RSAD2: variants seen among roughly 807,000 people sequenced by gnomAD.
RSAD2 encodes the protein S-adenosylmethionine-dependent nucleotide dehydratase RSAD2.
Under a neutral mutation model 37.7 loss-of-function variants are expected in RSAD2, and 38 were observed. The observed-to-expected ratio is 1.01, with a 90% confidence interval of 0.78 to 1.32. RSAD2 has a LOEUF of 1.32. Ranked by LOEUF, RSAD2 falls within the 40% of genes most tolerant of loss-of-function variation. The pLI, the probability that RSAD2 is intolerant of heterozygous loss-of-function variation, is 0.00. For missense variants in RSAD2, 428 were observed against 437.5 expected (o/e 0.98, Z 0.19); for synonymous variants, 163 against 157.4 (o/e 1.04, Z -0.27).
intron 1 of RSAD2, chr2:6,866,406 T>C (rs968069396): frequency 2.0e-6 from 2 of 982,974 alleles, no homozygotes; most frequent in Non-Finnish European, 2.4e-6. Flanking sequence ...GTGCACACAC[T>C]CACCTTTGCA....
intron 2 of RSAD2, among the ~76,000 whole-genome samples, chr2:6,886,182 G>A (rs1217594546): frequency 6.6e-6 from 1 of 152,232 alleles, no homozygotes; most frequent in Non-Finnish European, 1.5e-5. Context: ...GTACTTAAGA[G>A]ATAAGTGGAT....
At chr2:6,885,100 G>A (rs1019529570) in intron 2 of RSAD2, among the ~76,000 whole-genome samples, 5 of 152,112 alleles carry the variant, frequency 3.3e-5, no homozygotes, top group South Asian at 2.1e-4. Context: ...CTATGCTCAC[G>A]TCTAGGGTTT....
intron 5 of RSAD2, among the ~76,000 whole-genome samples, chr2:6,895,527 T>C (rs894403047): frequency 6.6e-6 from 1 of 152,244 alleles, no homozygotes; most frequent in African/African-American, 2.4e-5. Context: ...CATCTGCCCA[T>C]GCGGGGCGCA....
At position 6,896,104 on chromosome 2, in the gene RSAD2, C is replaced by A; in HGVS notation, c.*162C>A. Reference sequence around the variant, plus strand: ...CTGTGGTCACTGAACACACGAATAACTTGGATAGCAAATCCTGAGACAATG... The same window carrying A: ...CTGTGGTCACTGAACACACGAATAAATTGGATAGCAAATCCTGAGACAATG... On this transcript the variant is annotated 3_prime_UTR_variant, in exon 6 of 6. Transcript: ENST00000382040. 1 of 559,196 alleles carries A rather than the reference C, an allele frequency of 1.8e-6. No individual in the cohort carries two copies. Among genetic ancestry groups the A allele is most frequent in the East Asian group, 2.8e-5 (1 of 35,096 alleles). The allele number at this position is 559,196 out of a possible 1,614,324, so 34.6% of individuals were successfully genotyped here. A position where few individuals can be genotyped will look rare whatever the true frequency, so the allele number is the denominator to read the frequency against.
At chr2:6,877,747 T>C (rs1190801568), upstream of RSAD2, 1 of 1,389,894 alleles carries the variant, frequency 7.2e-7, no homozygotes, top group East Asian at 2.4e-5. Context: ...TCCATCCCTA[T>C]ATAAAGAGAG....
intron 4 of RSAD2, among the ~76,000 whole-genome samples, chr2:6,891,703 C>T (rs1481111541): frequency 1.3e-5 from 2 of 152,134 alleles, no homozygotes; most frequent in Non-Finnish European, 2.9e-5. Flanking sequence ...GGAGGCGGAG[C>T]TTGCAATGAG....
chr2:6,884,938 A>T (rs1485214457), intron 2 of RSAD2, among the ~76,000 whole-genome samples: 1 of 152,230 alleles, frequency 6.6e-6, no homozygotes, highest in Admixed American at 6.5e-5. Context: ...ATAGATGCCT[A>T]TCTGGCCCAT....
In RSAD2 at chr2:6,878,972, T is replaced by C. The variant is rs1031855610; in HGVS notation, c.346+826T>C. The stretch of plus-strand genomic sequence containing the variant: ...CACAAAGCAATCACAGCCAGGTAAA[T>C]AGCCTGCAGATTCAGAGAGAAAGCA... On this transcript the variant is annotated intron_variant, in intron 1 of 5. Transcript: ENST00000382040. 8.9e-6 allele frequency: 5 copies of C among 558,664 alleles called. No homozygotes were observed. The African/African-American group carries it at 9.6e-5, about 11-fold the overall frequency. The allele number at this position is 558,664 out of a possible 1,614,324, so 34.6% of individuals were successfully genotyped here. A position where few individuals can be genotyped will look rare whatever the true frequency, so the allele number is the denominator to read the frequency against.
At chr2:6,878,917 C>A in intron 1 of RSAD2, 1 of 1,004,014 alleles carries the variant, frequency 1.0e-6, no homozygotes, top group Non-Finnish European at 1.4e-6. Flanking sequence ...CCAGATTACA[C>A]ATATTCTGGA....
rs1272679421 is a variant in RSAD2, at chr2:6,896,312, A to G, written c.*370A>G. The G allele has an allele frequency of 6.0e-6, 1 of 165,336 alleles. No homozygotes were observed. The highest frequency in any genetic ancestry group is 1.3e-5 in the Non-Finnish European group (1 of 76,920). 10.2% of individuals were successfully genotyped at this position (165,336 alleles called of 1,614,324 possible). ...TAGCTCAATGATGCGTTTGTAAGAAATAAGCTCTAGTGATATCTGTGGGGG... is the reference window on the plus strand; with the variant it reads ...TAGCTCAATGATGCGTTTGTAAGAAGTAAGCTCTAGTGATATCTGTGGGGG... On this transcript the variant is annotated 3_prime_UTR_variant, in exon 6 of 6. Transcript: ENST00000382040.
intron 4 of RSAD2, 24 bp downstream of exon 4, chr2:6,890,349 T>A: frequency 6.2e-7 from 1 of 1,611,892 alleles, no homozygotes; most frequent in Non-Finnish European, 8.5e-7. Flanking sequence ...AAAGTTGTTT[T>A]CTTTGTCATC....
In RSAD2 at chr2:6,896,033, C is replaced by T; in HGVS notation, c.*91C>T. 7.6e-7 allele frequency: 1 copy of T among 1,316,168 alleles called. No individual in the cohort carries two copies. Among genetic ancestry groups the T allele is most frequent in the South Asian group, 1.5e-5 (1 of 64,856 alleles). The allele number at this position is 1,316,168 out of a possible 1,614,324, so 81.5% of individuals were successfully genotyped here. On this transcript the variant is annotated 3_prime_UTR_variant, in exon 6 of 6. Transcript: ENST00000382040. Reference sequence around the variant, plus strand: ...GCAATACTATCCCGTTGGTATTTCCCAGTGGCTGAAAACCTGATTTTCTGC... The same window carrying T: ...GCAATACTATCCCGTTGGTATTTCCTAGTGGCTGAAAACCTGATTTTCTGC...
chr2:6,894,251 C>G (rs1663692866), intron 5 of RSAD2, among the ~76,000 whole-genome samples: 1 of 151,498 alleles, frequency 6.6e-6, no homozygotes, highest in Admixed American at 6.6e-5. Context: ...GGAAACCTAC[C>G]CTTCTCAAAA....
At chr2:6,888,524 C>A (rs1216129365) in intron 3 of RSAD2, among the ~76,000 whole-genome samples, 1 of 152,192 alleles carries the variant, frequency 6.6e-6, no homozygotes, top group Non-Finnish European at 1.5e-5. Context: ...CCTCTCTCGT[C>A]TTCCCTATGT....
At chr2:6,868,324 G>T (rs1663143451) in intron 1 of RSAD2, among the ~76,000 whole-genome samples, 1 of 152,096 alleles carries the variant, frequency 6.6e-6, no homozygotes, top group South Asian at 2.1e-4. Context: ...TATGTTTCTA[G>T]GTAGTTTAAT....
rs2103251255 is a variant in RSAD2, at chr2:6,896,508, C to T, written c.*566C>T. On this transcript the variant is annotated 3_prime_UTR_variant, in exon 6 of 6. Coordinates refer to ENST00000382040, the MANE Select transcript of RSAD2 (RefSeq NM_080657.5). ...CTGAGACATTACAAAGTATCTGCCT[C>T]AATTATTTCTGCTGGTTATAATGCT... The T allele has an allele frequency of 6.7e-6, 1 of 149,284 alleles. No homozygotes were observed. The highest frequency in any genetic ancestry group is 2.1e-4 in the South Asian group (1 of 4,740). The allele number at this position is 149,284 out of a possible 1,614,324, so 9.2% of individuals were successfully genotyped here. A position where few individuals can be genotyped will look rare whatever the true frequency, so the allele number is the denominator to read the frequency against.
At chr2:6,891,305 C>G (rs979296233) in intron 4 of RSAD2, among the ~76,000 whole-genome samples, 1 of 152,096 alleles carries the variant, frequency 6.6e-6, no homozygotes, top group Non-Finnish European at 1.5e-5. Context: ...GAGGCAAGTT[C>G]ATATTGTTAG....
chr2:6,897,247 T>A lies in RSAD2; in HGVS notation c.*1305T>A, dbSNP rs1447302897. On this transcript the variant is annotated 3_prime_UTR_variant, in exon 6 of 6. Coordinates refer to ENST00000382040, the MANE Select transcript of RSAD2 (RefSeq NM_080657.5). ...TAGTATCTTATTGCCTAAAAAAAAA[T>A]TTCTTATCATTGTTTCAAAAAAGCA... 6.6e-6 allele frequency: 1 copy of A among 152,114 alleles called. No individual in the cohort carries two copies. Among genetic ancestry groups the A allele is most frequent in the African/African-American group, 2.4e-5 (1 of 41,420 alleles). The allele number at this position is 152,114 out of a possible 1,614,324, so 9.4% of individuals were successfully genotyped here.
At chr2:6,881,696 A>G (rs1416586617) in intron 1 of RSAD2, among the ~76,000 whole-genome samples, 2 of 150,540 alleles carry the variant, frequency 1.3e-5, no homozygotes, top group Non-Finnish European at 3.0e-5. Context: ...GCACAGGCCC[A>G]TCCTTCTAGA....
Sources: gnomAD v4.1 joint callset for allele counts (sites outside exome capture counted in the v4.1 genomes callset) on GRCh38, gnomAD v4.1.1 for gene constraint, MANE v1.5 for transcripts, NCBI Gene and HGNC (gene_info 2026-07-23, HGNC 2026-07-21) for gene names.